Variants in PNMT observed in about 807,000 individuals in gnomAD.
PNMT encodes noradrenaline N-methyltransferase.
In PNMT, 18 loss-of-function variants were observed where a neutral mutation model predicts 18.9. That is an observed-to-expected ratio of 0.95 (90% CI 0.66 to 1.41). The LOEUF is 1.41. Ranked by LOEUF, PNMT falls within the 40% of genes most tolerant of loss-of-function variation. The pLI, the probability that PNMT is intolerant of heterozygous loss-of-function variation, is 0.00. For missense variants in PNMT, 378 were observed against 387.0 expected, an observed-to-expected ratio of 0.98 and a Z score of 0.20; for synonymous variants, 167 against 168.6, an observed-to-expected ratio of 0.99 and a Z score of 0.08.
upstream of PNMT, chr17:39,668,386 C>A: frequency 3.5e-6 from 4 of 1,135,892 alleles, no homozygotes; most frequent in South Asian, 4.4e-5. Context: ...TCAGCTGCCG[C>A]CCCCACAGCG....
At chr17:39,669,433 C>T (rs1420101782) in intron 1 of PNMT, among the ~76,000 whole-genome samples, 196 bp from the exon 2 acceptor site, 3 of 152,178 alleles carry the variant, frequency 2.0e-5, no homozygotes, top group Admixed American at 1.3e-4. Context: ...GGTGAAGTTC[C>T]CTTCCGAAGG....
At chr17:39,669,506 C>G (rs2057280391) in intron 1 of PNMT, 123 bp from the exon 2 acceptor site, 4 of 697,898 alleles carry the variant, frequency 5.7e-6, no homozygotes, top group Non-Finnish European at 1.0e-5. Flanking sequence ...CAGATGGAGA[C>G]ACATTTGCAG....
Position 39,670,152 on chromosome 17 carries a change from G to A in PNMT, c.612G>A (p.Leu204=), listed in dbSNP as rs200707337. The change falls in exon 3 of 3, where the codon CTG becomes CTA. Residue 204 remains leucine, a synonymous_variant. Coordinates refer to ENST00000269582, the MANE Select transcript of PNMT (RefSeq NM_002686.4). The part of the protein sequence containing the change: ...FQRALDHITT[L]LRPGGHLLLI... ...GGGCCCTGGACCACATCACCACGCT[G>A]CTGAGGCCTGGGGGGCACCTCCTCC... 48 of 1,612,012 alleles carry A rather than the reference G, an allele frequency of 3.0e-5. No homozygotes were observed. In the East Asian group the frequency reaches 3.3e-4, roughly 11 times the overall value.
rs751816765 is a variant in PNMT at position 39,670,367 on chromosome 17, G to A, written c.827G>A (p.Trp276Ter). 1.9e-6 allele frequency: 3 copies of A among 1,587,156 alleles called. No homozygotes were observed. The highest frequency in any genetic ancestry group is 1.7e-5 in the Admixed American group (1 of 59,184). ...GATGTCAAGGGCGTCTTCTTCGCCT[G>A]GGCTCAGAAGGTTGGGCTGTGAGGG... ...VDDVKGVFFA[W>*]AQKVGL is the part of the protein sequence containing the mutation. The change falls in exon 3 of 3, where the codon TGG (tryptophan) becomes TAG (stop). Residue 276 changes from tryptophan (W) to a stop codon, truncating the protein, a stop_gained. Transcript: ENST00000269582. LOFTEE classifies it high-confidence loss of function.
chr17:39,670,010 T>C lies in PNMT; in HGVS notation c.470T>C (p.Ile157Thr). 1 of 1,604,638 alleles carries C rather than the reference T, an allele frequency of 6.2e-7. No homozygotes were observed. Among genetic ancestry groups the C allele is most frequent in the Non-Finnish European group, 8.5e-7 (1 of 1,179,584 alleles). ...LRARVKRVLP[I>T]DVHQPQPLGA... ...GCCAGGGTGAAACGGGTCCTGCCCA[T>C]CGACGTGCACCAGCCCCAGCCCCTG... Residue 157 changes from isoleucine (I) to threonine (T), a missense_variant, in exon 3 of 3, where the codon ATC becomes ACC. Physicochemically the swap from Ile to Thr is moderately conservative, Grantham distance 89 (BLOSUM62 -1). Transcript: ENST00000269582.
rs760247206 is a variant in PNMT, at chr17:39,668,509, G to A, written c.34G>A (p.Ala12Thr). ...SGADRSPNAG[A>T]APDSAPGQAA... is the part of the protein sequence containing the mutation. Reference sequence around the variant, plus strand: ...CGCAGACCGTAGCCCCAATGCGGGCGCAGCCCCTGACTCGGCCCCGGGCCA... The same window carrying A: ...CGCAGACCGTAGCCCCAATGCGGGCACAGCCCCTGACTCGGCCCCGGGCCA... Residue 12 changes from alanine to threonine, a missense_variant, in exon 1 of 3, where the codon GCA becomes ACA. Coordinates refer to ENST00000269582, the MANE Select transcript of PNMT (RefSeq NM_002686.4). 7.6e-5 allele frequency: 116 copies of A among 1,529,464 alleles called. 2 individuals are homozygous for A. The South Asian group carries it at 1.3e-3, about 18-fold the overall frequency. The allele number at this position is 1,529,464 out of a possible 1,614,324, so 94.7% of individuals were successfully genotyped here. A position where few individuals can be genotyped will look rare whatever the true frequency, so the allele number is the denominator to read the frequency against.
intron 1 of PNMT, among the ~76,000 whole-genome samples, chr17:39,669,394 T>C (rs1238056853): frequency 1.3e-5 from 2 of 152,176 alleles, no homozygotes; most frequent in Non-Finnish European, 2.9e-5. Flanking sequence ...AGGTATAGTC[T>C]TCTAGATGTG....
At chr17:39,668,350 G>A (rs1043151920), upstream of PNMT, 400 of 676,474 alleles carry the variant, frequency 5.9e-4, no homozygotes, top group Admixed American at 1.1e-3. Flanking sequence ...AGGATGCGGC[G>A]CACATGGCCC....
At position 39,668,660 on chromosome 17, in the gene PNMT, C is replaced by T. The variant is rs778923678; in HGVS notation, c.185C>T (p.Ala62Val). ...GVGPWKLRCL[A>V]QTFATGEVSG... ...GGGCCGTGGAAGCTGCGCTGCTTGG[C>T]GCAGACCTTCGCCACCGGTGAGCGG... Residue 62 changes from alanine to valine, a missense_variant, in exon 1 of 3, where the codon GCG becomes GTG. Coordinates refer to ENST00000269582, the MANE Select transcript of PNMT (RefSeq NM_002686.4). 5 of 1,581,890 alleles carry T rather than the reference C, an allele frequency of 3.2e-6. No individual in the cohort carries two copies. The highest frequency in any genetic ancestry group is 4.3e-6 in the Non-Finnish European group (5 of 1,162,872).
intron 2 of PNMT, 41 bp downstream of exon 2, chr17:39,669,877 T>C (rs369408767): frequency 1.3e-4 from 208 of 1,596,998 alleles, no homozygotes; most frequent in Non-Finnish European, 1.5e-4. Context: ...AGGCTTCCCA[T>C]AGAGTGGCTG....
rs749119532 is a variant in PNMT at position 39,670,245 on chromosome 17, T to C, written c.705T>C (p.Ser235=). 5 of 1,609,718 alleles carry C rather than the reference T, an allele frequency of 3.1e-6. No homozygotes were observed. Among genetic ancestry groups the C allele is most frequent in the Non-Finnish European group, 3.4e-6 (4 of 1,178,750 alleles). The change falls in exon 3 of 3, where the codon TCT becomes TCC. Residue 235 remains serine (S), a synonymous_variant. Transcript: ENST00000269582. ...CCAGGCTGACGGTGGTGCCAGTGTC[T>C]GAGGAGGAGGTGAGGGAGGCCCTGG... ...GEARLTVVPV[S]EEEVREALVR...
In PNMT at chr17:39,668,608, G is replaced by A. The variant is rs776138210; in HGVS notation, c.133G>A (p.Gly45Arg). The A allele has an allele frequency of 6.2e-7, 1 of 1,605,594 alleles. No homozygotes were observed. Among genetic ancestry groups the A allele is most frequent in the African/African-American group, 1.3e-5 (1 of 74,904 alleles). The change falls in exon 1 of 3, where the codon GGG (glycine) becomes AGG (arginine). Residue 45 changes from glycine to arginine, a missense_variant. Coordinates refer to ENST00000269582, the MANE Select transcript of PNMT (RefSeq NM_002686.4). ...YLRNNYAPPR[G>R]DLCNPNGVGP... is the part of the protein sequence containing the mutation. ...CCGCAACAACTACGCGCCCCCTCGCGGGGACCTGTGCAACCCGAACGGCGT... is the reference window on the plus strand; with the variant it reads ...CCGCAACAACTACGCGCCCCCTCGCAGGGACCTGTGCAACCCGAACGGCGT...
chr17:39,669,524 GGAA>G (rs2057280543), intron 1 of PNMT, 102 bp from the exon 2 acceptor site: 3 of 791,318 alleles, frequency 3.8e-6, no homozygotes, highest in Non-Finnish European at 6.5e-6. Context: ...CAGAGGAGAA[GGAA>G]GAACTAGAGA....
Position 39,670,378 on chromosome 17 carries a change from G to C in PNMT, c.838G>C (p.Val280Leu), listed in dbSNP as rs781391114. ...KGVFFAWAQK[V>L]GL ...CGTCTTCTTCGCCTGGGCTCAGAAG[G>C]TTGGGCTGTGAGGGCTGTACCTGGT... The change falls in exon 3 of 3, where the codon GTT (valine) becomes CTT (leucine). Residue 280 changes from valine to leucine, a missense_variant. Physicochemically the swap from Val to Leu is conservative, Grantham distance 32 (BLOSUM62 1). Transcript: ENST00000269582. 78 of 1,581,356 alleles carry C rather than the reference G, an allele frequency of 4.9e-5. No homozygotes were observed. The highest frequency in any genetic ancestry group is 6.8e-5 in the Admixed American group (4 of 58,888).
chr17:39,668,212 G>A (rs2057269966), upstream of PNMT: 2 of 387,084 alleles, frequency 5.2e-6, no homozygotes, highest in South Asian at 1.7e-4. Flanking sequence ...GCGAGGCGGA[G>A]GGCGAGGGCT....
upstream of PNMT, chr17:39,668,367 G>T: frequency 1.1e-6 from 1 of 880,454 alleles, no homozygotes; most frequent in Non-Finnish European, 1.6e-6. Context: ...GCCCCGGGCG[G>T]CTCGGCGGTC....
intron 2 of PNMT, 55 bp downstream of exon 2, chr17:39,669,891 G>A: frequency 6.3e-7 from 1 of 1,593,312 alleles, no homozygotes; most frequent in Non-Finnish European, 8.6e-7. Flanking sequence ...GTGGCTGGTT[G>A]GGGCAACAGA....
chr17:39,668,245 G>A, upstream of PNMT: 1 of 424,342 alleles, frequency 2.4e-6, no homozygotes, highest in Non-Finnish European at 4.1e-6. Flanking sequence ...ACGGAGCCGG[G>A]GGTGTGGGGG....
chr17:39,670,430 T>G lies in PNMT; in HGVS notation c.*41T>G, dbSNP rs2057290504. The G allele has an allele frequency of 6.8e-7, 1 of 1,460,798 alleles. No homozygotes were observed. The highest frequency in any genetic ancestry group is 2.3e-5 in the East Asian group (1 of 43,042). 90.5% of individuals were successfully genotyped at this position (1,460,798 alleles called of 1,614,324 possible). A position where few individuals can be genotyped will look rare whatever the true frequency, so the allele number is the denominator to read the frequency against. On this transcript the variant is annotated 3_prime_UTR_variant, in exon 3 of 3. Transcript: ENST00000269582. ...CCCTGTGGCCCCCACCCACCTGGATTCCCTGTTCTTTGAAGTGGCACCTAA... is the reference window on the plus strand; with the variant it reads ...CCCTGTGGCCCCCACCCACCTGGATGCCCTGTTCTTTGAAGTGGCACCTAA...
Sources: allele counts gnomAD v4.1 joint callset (sites outside exome capture counted in the v4.1 genomes callset), GRCh38; gene constraint gnomAD v4.1.1; transcripts MANE v1.5; gene names NCBI Gene and HGNC (gene_info 2026-07-23, HGNC 2026-07-21).